Variants in PPP2R3B observed in about 807,000 individuals in gnomAD.
The protein encoded by PPP2R3B is serine/threonine-protein phosphatase 2A regulatory subunit B'' subunit beta.
PPP2R3B carries 68 observed loss-of-function variants against 72.9 expected under a neutral mutation model. The ratio of observed to expected loss-of-function variants is 0.93; its 90% CI spans 0.77 to 1.14. The LOEUF (loss-of-function observed/expected upper bound fraction) is 1.14, where lower values mean the gene tolerates loss of function less well. PPP2R3B is among the 50% of genes most tolerant of loss of function. PPP2R3B has a pLI of 0.00. For missense variants in PPP2R3B, 1,018 were observed against 842.0 expected (o/e 1.21, Z -2.59); for synonymous variants, 466 against 375.8 (o/e 1.24, Z -2.78).
chrX:341,522 CCTGCCCCT>C lies in PPP2R3B; in HGVS notation c.1086-134_1086-127del, dbSNP rs1171704722. On this transcript the variant is annotated intron_variant, in intron 8 of 12. Transcript: ENST00000390665. ...GGCCCGGCCCTCCTCCTGCCCCCCTCCTGCCCCTCCTCCTGCCTCTCCGGGGAGGAGGT... is the reference window on the plus strand; with the variant it reads ...GGCCCGGCCCTCCTCCTGCCCCCCTCCCTCCTGCCTCTCCGGGGAGGAGGT... 188 of 896,216 alleles carry C rather than the reference CCTGCCCCT, an allele frequency of 2.1e-4. 2 individuals are homozygous for C. Among genetic ancestry groups the C allele is most frequent in the South Asian group, 1.9e-3 (134 of 69,194 alleles). The allele number at this position is 896,216 out of a possible 1,614,324, so 55.5% of individuals were successfully genotyped here. A position where few individuals can be genotyped will look rare whatever the true frequency, so the allele number is the denominator to read the frequency against.
Position 345,562 on chromosome X carries a change from G to C in PPP2R3B, c.990C>G (p.His330Gln). 2.5e-6 allele frequency: 4 copies of C among 1,613,332 alleles called. No individual in the cohort carries two copies. The highest frequency in any genetic ancestry group is 3.4e-6 in the Non-Finnish European group (4 of 1,179,578). ...GGTCGTCCGCGTCGATGAGCAGGTC[G>C]TGGTCCGTGTCCAGCTCCCAGAACT... ...YCKFWELDTD[H>Q]DLLIDADDLA... Residue 330 changes from histidine to glutamine, a missense_variant, in exon 7 of 13, where the codon CAC becomes CAG. Transcript: ENST00000390665.
chrX:379,405 C>T (rs1314563696), intron 1 of PPP2R3B, among the ~76,000 whole-genome samples: 1 of 145,836 alleles, frequency 6.9e-6, no homozygotes, highest in Non-Finnish European at 1.5e-5. Context: ...TGTGTATGCA[C>T]CTATGTGTGT....
rs1220112087 is a variant in PPP2R3B at position 341,992 on chromosome X, C to T, written c.1037-61G>A. 10 of 1,595,596 alleles carry T rather than the reference C, an allele frequency of 6.3e-6. No individual in the cohort carries two copies. In the East Asian group the frequency reaches 2.0e-4, roughly 32 times the overall value. On this transcript the variant is annotated intron_variant, in intron 7 of 12. Coordinates refer to ENST00000390665, the MANE Select transcript of PPP2R3B (RefSeq NM_013239.5). ...GTGCCTCGGCCCCGACGTCACCACC[C>T]CCCGGAGCCGAGACTGGATGCGGTG...
At chrX:386,219 TG>T in intron 1 of PPP2R3B, 148 bp downstream of exon 1, 1 of 437,614 alleles carries the variant, frequency 2.3e-6, no homozygotes, top group Non-Finnish European at 3.6e-6. Context: ...TGTATGTGTG[TG>T]GTGGGGGGGG....
chrX:357,989 C>T (rs1030103497), intron 2 of PPP2R3B, among the ~76,000 whole-genome samples: 11 of 152,214 alleles, frequency 7.2e-5, no homozygotes, highest in South Asian at 2.1e-4. Context: ...CCTCATCAAA[C>T]TCAAAGTCCC....
chrX:341,508 C>T (rs2071075568), intron 8 of PPP2R3B, 112 bp from the exon 9 acceptor site: 1 of 1,066,044 alleles, frequency 9.4e-7, no homozygotes, highest in East Asian at 2.5e-5. Flanking sequence ...GCCCGGCCCT[C>T]CTCCTGCCCC....
Position 361,575 on chromosome X carries a change from C to T in PPP2R3B, c.340G>A (p.Glu114Lys), listed in dbSNP as rs1569401795. The change falls in exon 2 of 13, where the codon GAA (glutamate) becomes AAA (lysine). Residue 114 changes from glutamate to lysine, a missense_variant. Physicochemically the swap from Glu to Lys is moderately conservative, Grantham distance 56. Transcript: ENST00000390665. ...AGTRVVQTRK[E>K]EPLPPATSQS... ...CTCGTGGCCGGGGGCAGAGGCTCTT[C>T]TTTCCGTGTCTGAACCTGAAGAGTC... 1.2e-6 allele frequency: 2 copies of T among 1,613,956 alleles called. No individual in the cohort carries two copies. The highest frequency in any genetic ancestry group is 2.2e-5 in the East Asian group (1 of 44,874).
chrX:367,366 G>T (rs1273803389), intron 1 of PPP2R3B, among the ~76,000 whole-genome samples: 1 of 150,772 alleles, frequency 6.6e-6, no homozygotes, highest in Non-Finnish European at 1.5e-5. Context: ...GTGTGAGACG[G>T]TTTGTGAGTT....
intron 10 of PPP2R3B, 136 bp downstream of exon 10, chrX:340,629 C>G: frequency 1.7e-6 from 1 of 594,994 alleles, no homozygotes; most frequent in Non-Finnish European, 2.8e-6. Context: ...TCCTCCCTCC[C>G]GTCCGTCCCC....
chrX:360,778 C>T (rs4906979), intron 2 of PPP2R3B, among the ~76,000 whole-genome samples: 22,069 of 152,226 alleles, frequency 0.14, 1,932 homozygotes, highest in Admixed American at 0.22. Flanking sequence ...ACCAGGGGTC[C>T]AGACACGCAT....
At chrX:349,112 T>C (rs2071279017) in intron 2 of PPP2R3B, among the ~76,000 whole-genome samples, 1 of 152,160 alleles carries the variant, frequency 6.6e-6, no homozygotes, top group African/African-American at 2.4e-5. Context: ...TGCTATGGCC[T>C]GAATGCCTGG....
intron 1 of PPP2R3B, among the ~76,000 whole-genome samples, chrX:384,069 G>A (rs980084285): frequency 2.0e-4 from 30 of 151,726 alleles, no homozygotes; most frequent in Non-Finnish European, 3.5e-4. Flanking sequence ...GTCACACACC[G>A]CCTACACTTA....
intron 1 of PPP2R3B, among the ~76,000 whole-genome samples, chrX:366,974 G>A (rs1448617038): frequency 3.3e-5 from 5 of 151,920 alleles, no homozygotes; most frequent in Non-Finnish European, 7.3e-5. Context: ...GGTGCGGTGA[G>A]CTGAGGTCGC....
chrX:346,035 C>CGGTGGAGGTGGGGGTGGG, intron 6 of PPP2R3B, 139 bp downstream of exon 6: 1 of 515,168 alleles, frequency 1.9e-6, no homozygotes, highest in Non-Finnish European at 3.4e-6. Context: ...GCTGGGAGCG[C>CGGTGGAGGTGGGGGTGGG]GGTGGAGGTG....
intron 4 of PPP2R3B, 144 bp downstream of exon 4, chrX:347,090 C>T: frequency 9.9e-7 from 1 of 1,007,652 alleles, no homozygotes; most frequent in East Asian, 2.5e-5. Flanking sequence ...GCGGGCCCTC[C>T]CATGAGGTGT....
intron 2 of PPP2R3B, among the ~76,000 whole-genome samples, chrX:352,423 A>G (rs1174687107): frequency 3.3e-5 from 5 of 151,874 alleles, no homozygotes; most frequent in Non-Finnish European, 7.4e-5. Context: ...GCTCCAGTTC[A>G]CCTTTTCCAG....
At chrX:350,189 G>T (rs373237353) in intron 2 of PPP2R3B, among the ~76,000 whole-genome samples, 24 of 152,090 alleles carry the variant, frequency 1.6e-4, no homozygotes, top group African/African-American at 5.6e-4. Context: ...AAGTGAGTTG[G>T]GACAGAGCCC....
At chrX:354,237 ACCCAAACACTGGGGGCTCAC>A (rs1270441261) in intron 2 of PPP2R3B, among the ~76,000 whole-genome samples, 8 of 53,530 alleles carry the variant, frequency 1.5e-4, no homozygotes, top group Non-Finnish European at 3.3e-4. Context: ...CCGGGGGCTC[ACCCAAACACTGGGGGCTCAC>A]CCAAACACCA....
At chrX:367,299 T>G (rs1164738472) in intron 1 of PPP2R3B, among the ~76,000 whole-genome samples, 1 of 151,778 alleles carries the variant, frequency 6.6e-6, no homozygotes, top group Non-Finnish European at 1.5e-5. Context: ...CAACGTATGT[T>G]CAATTAAAAA....
Sources: allele counts gnomAD v4.1 joint callset (sites outside exome capture counted in the v4.1 genomes callset), GRCh38; gene constraint gnomAD v4.1.1; transcripts MANE v1.5; gene names NCBI Gene and HGNC (gene_info 2026-07-23, HGNC 2026-07-21).